MED13L: variants seen among roughly 807,000 people sequenced by gnomAD.
MED13L encodes mediator complex subunit 13L, also known as mediator of RNA polymerase II transcription subunit 13-like.
MED13L carries 7 observed loss-of-function variants against 220.9 expected under a neutral mutation model. The observed-to-expected ratio is 0.03, with a 90% CI of 0.02 to 0.06. The LOEUF (loss-of-function observed/expected upper bound fraction) is 0.06, where lower values mean the gene tolerates loss of function less well. Ranked by LOEUF, MED13L falls within the 10% of genes least tolerant of loss-of-function variation. The probability of loss-of-function intolerance (pLI) is 1.00; values close to 1 mark genes in which losing one functional copy is unlikely to be tolerated. For missense variants in MED13L, 1,965 were observed against 2,760.5 expected (o/e 0.71, Z 6.46); for synonymous variants, 1,011 against 1,015.2 (o/e 1.00, Z 0.08).
chr12:116,065,666 A>G (rs894419990), intron 4 of MED13L, among the ~76,000 whole-genome samples: 2 of 152,204 alleles, frequency 1.3e-5, no homozygotes, highest in Non-Finnish European at 2.9e-5. Flanking sequence ...ATCAAAACAC[A>G]TGTCCCAAGA....
At chr12:116,212,225 A>G (rs1882740803) in intron 2 of MED13L, among the ~76,000 whole-genome samples, 1 of 152,224 alleles carries the variant, frequency 6.6e-6, no homozygotes, top group Admixed American at 6.5e-5. Context: ...TTAAAGTCAC[A>G]GTTTCACTGT....
intron 4 of MED13L, among the ~76,000 whole-genome samples, chr12:116,054,357 C>T (rs567789183): frequency 6.6e-6 from 1 of 152,200 alleles, no homozygotes; most frequent in South Asian, 2.1e-4. Flanking sequence ...ATGTGTAATA[C>T]CTTGATTAAA....
At chr12:116,139,363 T>C (rs904263324) in intron 2 of MED13L, among the ~76,000 whole-genome samples, 1 of 152,242 alleles carries the variant, frequency 6.6e-6, no homozygotes, top group Admixed American at 6.5e-5. Flanking sequence ...CAATGCATTA[T>C]AATGCAGATT....
intron 4 of MED13L, among the ~76,000 whole-genome samples, chr12:116,079,952 C>T (rs569941650): frequency 6.6e-6 from 1 of 152,016 alleles, no homozygotes; most frequent in Admixed American, 6.5e-5. Flanking sequence ...AACCATGGGC[C>T]GCATGTGGCC....
intron 2 of MED13L, among the ~76,000 whole-genome samples, chr12:116,237,047 A>G: frequency 6.6e-6 from 1 of 152,238 alleles, no homozygotes; most frequent in Non-Finnish European, 1.5e-5. Context: ...AAATTTCTGT[A>G]TCACTCTCCA....
At chr12:116,120,469 TCTCTCTCTCACACACA>T (rs1403902661) in intron 2 of MED13L, among the ~76,000 whole-genome samples, 122 of 129,846 alleles carry the variant, frequency 9.4e-4, no homozygotes, top group Non-Finnish European at 9.3e-4. Flanking sequence ...TCTCTCTCTC[TCTCTCTCTCACACACA>T]CACACACACA....
At chr12:116,033,074 T>C (rs1388414509) in intron 4 of MED13L, among the ~76,000 whole-genome samples, 1 of 148,480 alleles carries the variant, frequency 6.7e-6, no homozygotes, top group Non-Finnish European at 1.5e-5. Flanking sequence ...ATGAGTTTGA[T>C]TGGGTTTTGT....
At chr12:116,030,473 A>G (rs537923022) in intron 4 of MED13L, among the ~76,000 whole-genome samples, 59 of 152,326 alleles carry the variant, frequency 3.9e-4, no homozygotes, top group Middle Eastern at 6.8e-3. Context: ...TTATAGGCCT[A>G]AAAGTCTTAA....
At chr12:116,142,645 G>C (rs981161337) in intron 2 of MED13L, among the ~76,000 whole-genome samples, 1 of 151,924 alleles carries the variant, frequency 6.6e-6, no homozygotes. Flanking sequence ...CCGATATTGC[G>C]CCACAGCACT....
chr12:115,967,023 T>C (rs1294357761), intron 28 of MED13L, among the ~76,000 whole-genome samples: 1 of 151,756 alleles, frequency 6.6e-6, no homozygotes, highest in African/African-American at 2.4e-5. Context: ...ATACAAAAAT[T>C]AGCCAGGCAC....
chr12:116,238,006 GA>G (rs1347226724), intron 1 of MED13L, among the ~76,000 whole-genome samples: 1 of 152,116 alleles, frequency 6.6e-6, no homozygotes, highest in Non-Finnish European at 1.5e-5. Context: ...TCTCTATGCA[GA>G]AAACTATTTT....
At chr12:116,145,046 T>C (rs921289926) in intron 2 of MED13L, among the ~76,000 whole-genome samples, 11 of 152,220 alleles carry the variant, frequency 7.2e-5, no homozygotes, top group Non-Finnish European at 1.5e-4. Context: ...TATGATCCTA[T>C]TTTCTTCATA....
At chr12:115,992,925 G>A (rs904730901) in intron 16 of MED13L, among the ~76,000 whole-genome samples, 5 of 151,768 alleles carry the variant, frequency 3.3e-5, no homozygotes, top group Admixed American at 6.6e-5. Context: ...ATATACAGTT[G>A]GCCCTCTATA....
At chr12:116,105,669 C>A (rs1873505878) in intron 3 of MED13L, among the ~76,000 whole-genome samples, 1 of 152,092 alleles carries the variant, frequency 6.6e-6, no homozygotes, top group Non-Finnish European at 1.5e-5. Flanking sequence ...ACATAACTGG[C>A]CAGCTGTCTG....
intron 2 of MED13L, among the ~76,000 whole-genome samples, chr12:116,195,594 G>A (rs111427049): frequency 1.2e-3 from 190 of 152,122 alleles, no homozygotes; most frequent in Middle Eastern, 0.01. Flanking sequence ...TGAGATTACA[G>A]GTGTGCGCTA....
At chr12:116,081,193 T>C (rs748425672) in intron 4 of MED13L, among the ~76,000 whole-genome samples, 9 of 152,246 alleles carry the variant, frequency 5.9e-5, no homozygotes, top group Admixed American at 1.3e-4. Flanking sequence ...TATATTCTTT[T>C]ATACATTTCC....
At chr12:116,097,328 T>C (rs1349260362) in intron 3 of MED13L, among the ~76,000 whole-genome samples, 1 of 152,114 alleles carries the variant, frequency 6.6e-6, no homozygotes, top group Admixed American at 6.6e-5. Flanking sequence ...GTACTTTTAA[T>C]AGAGACGGGG....
chr12:115,995,745 A>G (rs1878358423), intron 16 of MED13L, among the ~76,000 whole-genome samples: 1 of 152,152 alleles, frequency 6.6e-6, no homozygotes, highest in Non-Finnish European at 1.5e-5. Context: ...CAACATATTC[A>G]GAACACTTAC....
At chr12:116,271,529 G>A (rs1432926202) in intron 1 of MED13L, among the ~76,000 whole-genome samples, 1 of 151,914 alleles carries the variant, frequency 6.6e-6, no homozygotes, top group African/African-American at 2.4e-5. Flanking sequence ...GGGAGGCTGA[G>A]GCAGGAGAAT....
Sources: allele counts gnomAD v4.1 joint callset (sites outside exome capture counted in the v4.1 genomes callset), GRCh38; gene constraint gnomAD v4.1.1; transcripts MANE v1.5; gene names NCBI Gene and HGNC (gene_info 2026-07-23, HGNC 2026-07-21).